GPBP1: variants seen among roughly 807,000 people sequenced by gnomAD.
The protein encoded by GPBP1 is vasculin.
A neutral mutation model predicts 56.5 loss-of-function variants in GPBP1; 13 were observed. That is an observed-to-expected ratio of 0.23 (90% CI 0.15 to 0.37). GPBP1 has a LOEUF of 0.37. Among genes scored for constraint, GPBP1 ranks in the 10% least tolerant of loss-of-function variants. The pLI is 1.00. For missense variants in GPBP1, 477 were observed against 572.3 expected, an observed-to-expected ratio of 0.83 and a Z score of 1.70; for synonymous variants, 204 against 188.9, an observed-to-expected ratio of 1.08 and a Z score of -0.66.
intron 2 of GPBP1, among the ~76,000 whole-genome samples, chr5:57,206,199 A>G (rs1755228417): frequency 6.6e-6 from 1 of 152,004 alleles, no homozygotes; most frequent in African/African-American, 2.4e-5. Context: ...TACTTTATAG[A>G]TAATATTTTT....
rs765230956 is a variant in GPBP1, at chr5:57,262,778, C to G, written c.*26C>G. The G allele has an allele frequency of 6.3e-7, 1 of 1,599,274 alleles. No individual in the cohort carries two copies. The highest frequency in any genetic ancestry group is 8.6e-7 in the Non-Finnish European group (1 of 1,167,930). ...AGGATTTCCTAACAGCTTTAGAAAT[C>G]TTAGTGTGATACATCTCTCATACAG... On this transcript the variant is annotated 3_prime_UTR_variant, in exon 12 of 12. Transcript: ENST00000506184.
chr5:57,258,297 C>T (rs375234857), intron 10 of GPBP1, among the ~76,000 whole-genome samples: 47 of 152,086 alleles, frequency 3.1e-4, no homozygotes, highest in East Asian at 7.7e-4. Flanking sequence ...AGAAACGTGT[C>T]GTTAGGTGAT....
chr5:57,251,482 C>G (rs538569585), intron 10 of GPBP1, among the ~76,000 whole-genome samples: 1 of 151,886 alleles, frequency 6.6e-6, no homozygotes, highest in South Asian at 2.1e-4. Context: ...GTAAGCACGT[C>G]AGTACTTTGT....
intron 3 of GPBP1, among the ~76,000 whole-genome samples, chr5:57,222,660 C>G (rs910598219): frequency 1.3e-5 from 2 of 151,938 alleles, no homozygotes; most frequent in African/African-American, 4.8e-5. Context: ...TATTAATGGA[C>G]TAAACTGTAG....
At chr5:57,251,279 T>G in intron 10 of GPBP1, 138 bp downstream of exon 10, 1 of 700,832 alleles carries the variant, frequency 1.4e-6, no homozygotes, top group Non-Finnish European at 2.3e-6. Context: ...ATACAGATGG[T>G]TTTTAATATA....
Position 57,174,225 on chromosome 5 carries a change from C to T in GPBP1, c.-1011+14C>T, listed in dbSNP as rs934709028. The T allele has an allele frequency of 1.3e-5, 2 of 152,734 alleles. No individual in the cohort carries two copies. The highest frequency in any genetic ancestry group is 4.8e-5 in the African/African-American group (2 of 41,448). 9.5% of individuals were successfully genotyped at this position (152,734 alleles called of 1,614,324 possible). On this transcript the variant is annotated intron_variant, in intron 1 of 11. Coordinates refer to ENST00000506184, the MANE Select transcript of GPBP1 (RefSeq NM_022913.4). ...GTGGGGCAGAAGGTAACACCGTCCT[C>T]TAGGCTCCACGCCCGAGCCCGGGGG...
chr5:57,177,566 C>T (rs1468677071), intron 2 of GPBP1, among the ~76,000 whole-genome samples: 2 of 151,204 alleles, frequency 1.3e-5, no homozygotes, highest in Admixed American at 1.3e-4. Flanking sequence ...CTCCGCCTCC[C>T]GGGTTCAAGC....
chr5:57,235,408 C>CT (rs1756619385), intron 5 of GPBP1, among the ~76,000 whole-genome samples: 3 of 150,280 alleles, frequency 2.0e-5, no homozygotes, highest in Non-Finnish European at 4.4e-5. Flanking sequence ...TTGAGTTTTT[C>CT]TTTTCTTTTT....
chr5:57,250,850 T>C (rs1393029401), intron 9 of GPBP1, 104 bp from the exon 10 acceptor site: 2 of 795,932 alleles, frequency 2.5e-6, no homozygotes, highest in African/African-American at 3.6e-5. Flanking sequence ...TGGCCGCATT[T>C]ATGTATTTTC....
intron 2 of GPBP1, among the ~76,000 whole-genome samples, chr5:57,206,197 A>G (rs1419743142): frequency 6.6e-6 from 1 of 152,060 alleles, no homozygotes; most frequent in Non-Finnish European, 1.5e-5. Flanking sequence ...TTTACTTTAT[A>G]GATAATATTT....
chr5:57,212,492 A>G (rs942007429), intron 2 of GPBP1, among the ~76,000 whole-genome samples: 9 of 151,894 alleles, frequency 5.9e-5, no homozygotes, highest in Non-Finnish European at 1.0e-4. Flanking sequence ...TAAAACCTGT[A>G]TTTTGTTTCA....
chr5:57,237,839 T>C (rs184484856), intron 6 of GPBP1, among the ~76,000 whole-genome samples: 1 of 151,512 alleles, frequency 6.6e-6, no homozygotes, highest in African/African-American at 2.4e-5. Flanking sequence ...GAAAATATAA[T>C]ATTTATTAAA....
rs369127564 is a variant in GPBP1, at chr5:57,211,339, A to G, written c.-57-2735A>G. Among the ~76,000 whole-genome samples the G allele has an allele frequency of 7.0e-4, 106 of 152,118 alleles. 1 individual carries two copies. Among genetic ancestry groups the G allele is most frequent in the African/African-American group, 2.6e-3 (106 of 41,496 alleles). The stretch of plus-strand genomic sequence containing the variant: ...GTAGCTGGGACTACAGGCATGGACC[A>G]CCACACTCAGCCGGTTTTTAAAATT... On this transcript the variant is annotated intron_variant, in intron 2 of 11. Transcript: ENST00000506184.
intron 2 of GPBP1, among the ~76,000 whole-genome samples, chr5:57,192,671 T>G (rs1754575854): frequency 6.8e-6 from 1 of 147,520 alleles, no homozygotes. Flanking sequence ...GAGAATCGCT[T>G]GAACCTGGGA....
chr5:57,225,508 A>AAAAAAAAAAC (rs1554069044), intron 3 of GPBP1, among the ~76,000 whole-genome samples: 1 of 123,626 alleles, frequency 8.1e-6, no homozygotes, highest in African/African-American at 3.0e-5. Context: ...AAAAAAAAAA[A>AAAAAAAAAAC]AAACAAACTG....
chr5:57,209,284 C>G (rs1029651669), intron 2 of GPBP1, among the ~76,000 whole-genome samples: 2 of 152,082 alleles, frequency 1.3e-5, no homozygotes, highest in South Asian at 4.1e-4. Flanking sequence ...TTTTCCTTCC[C>G]AATTTGGATG....
intron 2 of GPBP1, among the ~76,000 whole-genome samples, chr5:57,181,543 G>T (rs1240218120): frequency 6.6e-6 from 1 of 151,274 alleles, no homozygotes; most frequent in Non-Finnish European, 1.5e-5. Context: ...GGAGCCTGAG[G>T]CACGAGGCTC....
intron 2 of GPBP1, among the ~76,000 whole-genome samples, chr5:57,181,467 A>G (rs1754045274): frequency 6.6e-6 from 1 of 151,928 alleles, no homozygotes; most frequent in African/African-American, 2.4e-5. Flanking sequence ...GACATACAAA[A>G]TACTATTTAA....
intron 3 of GPBP1, among the ~76,000 whole-genome samples, chr5:57,221,668 C>G (rs1755965112): frequency 6.6e-6 from 1 of 152,104 alleles, no homozygotes; most frequent in Non-Finnish European, 1.5e-5. Context: ...ATTCAATAAT[C>G]TGTAGTTTTC....
Sources: gnomAD v4.1 joint callset for allele counts (sites outside exome capture counted in the v4.1 genomes callset) on GRCh38, gnomAD v4.1.1 for gene constraint, MANE v1.5 for transcripts, NCBI Gene and HGNC (gene_info 2026-07-23, HGNC 2026-07-21) for gene names.